ADAMTS19: variants seen among roughly 807,000 people sequenced by gnomAD.
The protein encoded by ADAMTS19 is ADAM metallopeptidase with thrombospondin type 1 motif 19.
ADAMTS19 carries 93 observed loss-of-function variants against 153.3 expected under a neutral mutation model. The observed-to-expected ratio is 0.61, with a 90% CI of 0.51 to 0.72. The LOEUF is 0.72. Ranked by LOEUF, ADAMTS19 falls within the 30% of genes least tolerant of loss-of-function variation. The pLI, the probability that ADAMTS19 is intolerant of heterozygous loss-of-function variation, is 0.00. For synonymous variants in ADAMTS19, 600 were observed against 556.6 expected, an observed-to-expected ratio of 1.08 and a Z score of -1.10; for missense variants, 1,482 against 1,552.1, an observed-to-expected ratio of 0.95 and a Z score of 0.76.
At chr5:129,720,545 C>T (rs1561669359) in intron 21 of ADAMTS19, among the ~76,000 whole-genome samples, 1 of 152,136 alleles carries the variant, frequency 6.6e-6, no homozygotes, top group Non-Finnish European at 1.5e-5. Flanking sequence ...AATTACAAGA[C>T]TCAGTGTCAC....
intron 3 of ADAMTS19, among the ~76,000 whole-genome samples, chr5:129,513,821 A>G (rs1751512059): frequency 6.6e-6 from 1 of 152,130 alleles, no homozygotes; most frequent in African/African-American, 2.4e-5. Flanking sequence ...ATTTAAAAAT[A>G]TACAATTAAG....
chr5:129,539,137 C>G (rs926053128), intron 6 of ADAMTS19, among the ~76,000 whole-genome samples: 1 of 152,034 alleles, frequency 6.6e-6, no homozygotes, highest in Non-Finnish European at 1.5e-5. Context: ...CAAATATTCA[C>G]GTTCTAATCT....
chr5:129,554,307 A>G (rs1753237892), intron 7 of ADAMTS19, among the ~76,000 whole-genome samples: 1 of 152,084 alleles, frequency 6.6e-6, no homozygotes, highest in South Asian at 2.1e-4. Context: ...CTGCAATGCT[A>G]TGTTAGGAAA....
At chr5:129,669,105 C>T (rs1488093276) in intron 16 of ADAMTS19, among the ~76,000 whole-genome samples, 1 of 150,308 alleles carries the variant, frequency 6.7e-6, no homozygotes, top group African/African-American at 2.5e-5. Flanking sequence ...TATATATATT[C>T]AAATGATTTT....
chr5:129,492,733 A>G (rs1750809034), intron 2 of ADAMTS19, among the ~76,000 whole-genome samples: 1 of 152,298 alleles, frequency 6.6e-6, no homozygotes, highest in African/African-American at 2.4e-5. Flanking sequence ...AATTCAAATC[A>G]TAGTGTATAT....
At chr5:129,581,134 G>A (rs2126885624) in intron 7 of ADAMTS19, among the ~76,000 whole-genome samples, 2 of 152,326 alleles carry the variant, frequency 1.3e-5, no homozygotes, top group East Asian at 3.9e-4. Context: ...TCTATTCAGG[G>A]ATTCAACTTC....
At chr5:129,658,567 C>A in intron 14 of ADAMTS19, 50 bp from the exon 15 acceptor site, 1 of 1,576,654 alleles carries the variant, frequency 6.3e-7, no homozygotes, top group South Asian at 1.2e-5. Flanking sequence ...AGTAGTAAAA[C>A]AAGAAAAGAA....
chr5:129,690,184 G>C (rs1755269065), intron 18 of ADAMTS19, among the ~76,000 whole-genome samples: 1 of 152,180 alleles, frequency 6.6e-6, no homozygotes, highest in African/African-American at 2.4e-5. Flanking sequence ...AGTCCATCTA[G>C]TGGAAGTCAG....
chr5:129,711,919 G>C (rs1756498342), intron 21 of ADAMTS19, among the ~76,000 whole-genome samples: 1 of 151,868 alleles, frequency 6.6e-6, no homozygotes. Flanking sequence ...TTTTGCAGAG[G>C]ACATAGCTAA....
intron 3 of ADAMTS19, among the ~76,000 whole-genome samples, chr5:129,515,591 T>G (rs1264198212): frequency 2.6e-5 from 4 of 152,022 alleles, no homozygotes. Flanking sequence ...TTTTTCACAT[T>G]GTTCACTGTT....
chr5:129,580,533 A>G (rs976253743), intron 7 of ADAMTS19, among the ~76,000 whole-genome samples: 1 of 152,188 alleles, frequency 6.6e-6, no homozygotes, highest in African/African-American at 2.4e-5. Flanking sequence ...GGATGCTTCC[A>G]GTTTTTGCCC....
intron 6 of ADAMTS19, among the ~76,000 whole-genome samples, chr5:129,531,782 G>C (rs1241457156): frequency 1.3e-5 from 2 of 152,058 alleles, no homozygotes; most frequent in Non-Finnish European, 2.9e-5. Context: ...AATCAAGATA[G>C]TATGGTTTTG....
At chr5:129,616,924 G>T (rs1751558815) in intron 8 of ADAMTS19, among the ~76,000 whole-genome samples, 1 of 152,052 alleles carries the variant, frequency 6.6e-6, no homozygotes, top group Non-Finnish European at 1.5e-5. Flanking sequence ...AAGCACCATT[G>T]TGTGGTAGTT....
intron 2 of ADAMTS19, among the ~76,000 whole-genome samples, chr5:129,470,221 T>G (rs1283747732): frequency 6.6e-6 from 1 of 152,246 alleles, no homozygotes. Flanking sequence ...CCTGAAAATA[T>G]GTTTATGCAA....
At chr5:129,671,965 T>C (rs1310128739) in intron 16 of ADAMTS19, among the ~76,000 whole-genome samples, 1 of 152,184 alleles carries the variant, frequency 6.6e-6, no homozygotes, top group Non-Finnish European at 1.5e-5. Context: ...AATGTACCTG[T>C]CATTTAGTCT....
intron 2 of ADAMTS19, among the ~76,000 whole-genome samples, chr5:129,468,008 T>G (rs981659304): frequency 1.3e-4 from 20 of 152,256 alleles, no homozygotes. Flanking sequence ...GATTCCCCTT[T>G]TTTTACGTCC....
intron 12 of ADAMTS19, among the ~76,000 whole-genome samples, chr5:129,648,165 A>G (rs188554247): frequency 6.6e-6 from 1 of 152,234 alleles, no homozygotes; most frequent in African/African-American, 2.4e-5. Context: ...GAAGATGTGT[A>G]TTAGAAAAAT....
chr5:129,630,209 G>A (rs1373576111), intron 10 of ADAMTS19, among the ~76,000 whole-genome samples: 2 of 151,956 alleles, frequency 1.3e-5, no homozygotes, highest in Admixed American at 1.3e-4. Context: ...GGCAGAAACC[G>A]CAATTATGTT....
intron 8 of ADAMTS19, among the ~76,000 whole-genome samples, chr5:129,605,945 G>A (rs771325217): frequency 6.6e-6 from 1 of 152,024 alleles, no homozygotes; most frequent in Non-Finnish European, 1.5e-5. Context: ...TTTTGATATG[G>A]CCAAAAATGC....
Sources: gnomAD v4.1 joint callset for allele counts (sites outside exome capture counted in the v4.1 genomes callset) on GRCh38, gnomAD v4.1.1 for gene constraint, MANE v1.5 for transcripts, NCBI Gene and HGNC (gene_info 2026-07-23, HGNC 2026-07-21) for gene names.